The following RANBP3L variants were observed in gnomAD, a reference collection of about 807,000 sequenced individuals.
RANBP3L encodes ran-binding protein 3-like.
Under a neutral mutation model 67.2 loss-of-function variants are expected in RANBP3L, and 56 were observed. That is an observed-to-expected ratio of 0.83 (90% CI 0.67 to 1.04). The LOEUF is 1.04. Ranked by LOEUF, RANBP3L falls within the 50% of genes least tolerant of loss-of-function variation. RANBP3L has a pLI of 0.00. For synonymous variants in RANBP3L, 164 were observed against 181.4 expected (o/e 0.90, Z 0.77); for missense variants, 496 against 535.5 (o/e 0.93, Z 0.73).
At chr5:36,298,590 T>C (rs1195249893) in intron 1 of RANBP3L, among the ~76,000 whole-genome samples, 1 of 152,172 alleles carries the variant, frequency 6.6e-6, no homozygotes, top group African/African-American at 2.4e-5. Flanking sequence ...TCTGAATGAA[T>C]ACTTTAAAAC....
At chr5:36,253,394 A>T (rs1748731883) in intron 12 of RANBP3L, among the ~76,000 whole-genome samples, 1 of 152,124 alleles carries the variant, frequency 6.6e-6, no homozygotes, top group Non-Finnish European at 1.5e-5. Context: ...TCAATAGTAA[A>T]GTAAAGGCTA....
intron 4 of RANBP3L, among the ~76,000 whole-genome samples, chr5:36,267,855 T>A (rs1275797254): frequency 1.3e-5 from 2 of 152,360 alleles, no homozygotes; most frequent in South Asian, 4.1e-4. Context: ...ATGTTTTAAA[T>A]GCTATTACAT....
chr5:36,279,840 T>A (rs716637), intron 1 of RANBP3L, among the ~76,000 whole-genome samples: 145,090 of 152,206 alleles, frequency 0.95, 69,451 homozygotes, highest in Non-Finnish European at 0.99. Context: ...CATTTATGAC[T>A]AACACCCACT....
chr5:36,295,673 GTTTTT>G (rs11318481), intron 1 of RANBP3L, among the ~76,000 whole-genome samples: 14 of 120,536 alleles, frequency 1.2e-4, no homozygotes, highest in African/African-American at 4.1e-4. Flanking sequence ...GTTATATCCT[GTTTTT>G]TTTTTTTTTT....
chr5:36,296,737 C>T (rs955382526), intron 1 of RANBP3L, among the ~76,000 whole-genome samples: 7 of 152,050 alleles, frequency 4.6e-5, no homozygotes, highest in African/African-American at 7.2e-5. Context: ...CTGAATGTTT[C>T]GGTGAGGATG....
chr5:36,260,638 C>T, intron 8 of RANBP3L, 142 bp downstream of exon 8: 1 of 526,770 alleles, frequency 1.9e-6, no homozygotes, highest in Non-Finnish European at 3.4e-6. Context: ...AGAATCTTTC[C>T]AGTTAAAGAA....
chr5:36,260,197 CAA>C (rs35239153), intron 8 of RANBP3L, among the ~76,000 whole-genome samples: 8 of 139,840 alleles, frequency 5.7e-5, no homozygotes, highest in African/African-American at 1.3e-4. Flanking sequence ...ACTAAAAATA[CAA>C]AAAAAAAAAA....
chr5:36,298,442 C>T (rs1165213155), intron 1 of RANBP3L, among the ~76,000 whole-genome samples: 4 of 152,180 alleles, frequency 2.6e-5, no homozygotes, highest in Non-Finnish European at 4.4e-5. Context: ...AGGCCAAAGC[C>T]GTGAACCCAG....
chr5:36,282,368 A>C (rs1751029146), intron 1 of RANBP3L, among the ~76,000 whole-genome samples: 1 of 152,184 alleles, frequency 6.6e-6, no homozygotes, highest in African/African-American at 2.4e-5. Flanking sequence ...GGTACTTTTG[A>C]CACAAAATAT....
Position 36,257,053 on chromosome 5 carries a change from T to C in RANBP3L, c.791A>G (p.Asn264Ser). 1 of 1,612,154 alleles carries C rather than the reference T, an allele frequency of 6.2e-7. No individual in the cohort carries two copies. The highest frequency in any genetic ancestry group is 8.5e-7 in the Non-Finnish European group (1 of 1,178,846). ...FLSSRTDSIK[N>S]TSLIESAAAF... ...AGCAGCTGATTCAATTAGGGAAGTA[T>C]TTTTAATAGAGTCTGTTCCTAAGAG... is the stretch of plus-strand genomic sequence containing the variant. The change falls in exon 10 of 14, where the codon AAT (asparagine) becomes AGT (serine). Residue 264 changes from asparagine (N) to serine (S), a missense_variant. Asn to Ser is a conservative substitution (Grantham distance 46). Transcript: ENST00000296604.
chr5:36,260,845 T>C lies in RANBP3L; in HGVS notation c.604A>G (p.Lys202Glu). The change falls in exon 8 of 14, where the codon AAA (lysine) becomes GAA (glutamate). Residue 202 changes from lysine (K) to glutamate (E), a missense_variant. Transcript: ENST00000296604. ...TSVGCQPNED[K>E]CSFKSCSSNF... ...GAACTGCAGCTTTTAAAAGAACATT[T>C]ATCTTCATTTGGTTGACATCTAAGA... is the stretch of plus-strand genomic sequence containing the variant. 3 of 1,510,672 alleles carry C rather than the reference T, an allele frequency of 2.0e-6. No homozygotes were observed. Among genetic ancestry groups the C allele is most frequent in the Non-Finnish European group, 2.7e-6 (3 of 1,092,738 alleles). 93.6% of individuals were successfully genotyped at this position (1,510,672 alleles called of 1,614,324 possible).
intron 1 of RANBP3L, among the ~76,000 whole-genome samples, chr5:36,274,118 A>G (rs1293019876): frequency 1.3e-5 from 2 of 152,084 alleles, no homozygotes; most frequent in East Asian, 3.9e-4. Flanking sequence ...TCAACCCATT[A>G]TGGTTTGGGG....
At chr5:36,249,767 A>G in intron 13 of RANBP3L, 70 bp from the exon 14 acceptor site, 1 of 726,248 alleles carries the variant, frequency 1.4e-6, no homozygotes, top group Non-Finnish European at 2.2e-6. Flanking sequence ...TATTGAATGC[A>G]ACTAAACATG....
intron 12 of RANBP3L, among the ~76,000 whole-genome samples, chr5:36,253,260 C>T (rs1446067516): frequency 6.6e-6 from 1 of 151,938 alleles, no homozygotes; most frequent in African/African-American, 2.4e-5. Flanking sequence ...TTTCCAGTGA[C>T]CTAAAGGCTT....
chr5:36,291,544 C>T (rs1056057631), intron 1 of RANBP3L, among the ~76,000 whole-genome samples: 4 of 152,106 alleles, frequency 2.6e-5, no homozygotes, highest in Middle Eastern at 3.4e-3. Flanking sequence ...TGCTATCCCT[C>T]CCCTCTGCCC....
intron 1 of RANBP3L, among the ~76,000 whole-genome samples, chr5:36,272,434 G>A (rs1750286487): frequency 6.6e-6 from 1 of 152,172 alleles, no homozygotes. Context: ...TAAAGCTGTA[G>A]CTGACAAATT....
intron 1 of RANBP3L, among the ~76,000 whole-genome samples, chr5:36,274,681 C>T (rs1406417788): frequency 6.6e-6 from 1 of 151,856 alleles, no homozygotes; most frequent in Admixed American, 6.6e-5. Context: ...AATGGGATGT[C>T]GAAGAGGGAT....
At chr5:36,266,507 T>G (rs1278049897) in intron 4 of RANBP3L, among the ~76,000 whole-genome samples, 3 of 152,174 alleles carry the variant, frequency 2.0e-5, no homozygotes, top group Non-Finnish European at 2.9e-5. Flanking sequence ...CAATTTAATG[T>G]TTTTTATGAT....
At chr5:36,258,398 G>C (rs986248286) in intron 8 of RANBP3L, among the ~76,000 whole-genome samples, 9 of 152,036 alleles carry the variant, frequency 5.9e-5, no homozygotes, top group African/African-American at 2.2e-4. Flanking sequence ...CTCAAAATTG[G>C]TAGAGATGGG....
Sources: allele counts gnomAD v4.1 joint callset (sites outside exome capture counted in the v4.1 genomes callset), GRCh38; gene constraint gnomAD v4.1.1; transcripts MANE v1.5; gene names NCBI Gene and HGNC (gene_info 2026-07-23, HGNC 2026-07-21).